Variants in SGCZ observed in about 807,000 individuals in gnomAD.
SGCZ encodes the protein sarcoglycan zeta, also known as zeta-sarcoglycan.
A neutral mutation model predicts 41.3 loss-of-function variants in SGCZ; 40 were observed. That is an observed-to-expected ratio of 0.97 (90% CI 0.75 to 1.26). The LOEUF is 1.26. Ranked by LOEUF, SGCZ falls within the 50% of genes most tolerant of loss-of-function variation. The probability of loss-of-function intolerance (pLI) is 0.00; values close to 1 mark genes in which losing one functional copy is unlikely to be tolerated. For missense variants in SGCZ, 552 were observed against 369.8 expected, an observed-to-expected ratio of 1.49 and a Z score of -4.04; for synonymous variants, 206 against 137.5, an observed-to-expected ratio of 1.50 and a Z score of -3.49.
At chr8:14,976,022 A>C (rs1426965835) in intron 1 of SGCZ, among the ~76,000 whole-genome samples, 1 of 146,734 alleles carries the variant, frequency 6.8e-6, no homozygotes, top group Non-Finnish European at 1.5e-5. Flanking sequence ...ATATACACAT[A>C]TATATTTTTT....
chr8:14,732,858 C>G (rs1255953115), intron 1 of SGCZ, among the ~76,000 whole-genome samples: 1 of 151,940 alleles, frequency 6.6e-6, no homozygotes, highest in Non-Finnish European at 1.5e-5. Flanking sequence ...TCTTTTATAC[C>G]AACAGTATAA....
At chr8:14,574,623 T>C (rs1804654527) in intron 1 of SGCZ, among the ~76,000 whole-genome samples, 1 of 152,168 alleles carries the variant, frequency 6.6e-6, no homozygotes, top group Admixed American at 6.5e-5. Flanking sequence ...CCTCCTTTAT[T>C]GAACCTAAGA....
At chr8:14,658,169 A>G (rs949039680) in intron 1 of SGCZ, among the ~76,000 whole-genome samples, 1 of 152,138 alleles carries the variant, frequency 6.6e-6, no homozygotes, top group Non-Finnish European at 1.5e-5. Flanking sequence ...CATTCTTTCA[A>G]TTCCTCAAGC....
intron 3 of SGCZ, among the ~76,000 whole-genome samples, chr8:14,288,978 A>G (rs1305299203): frequency 6.6e-6 from 1 of 152,020 alleles, no homozygotes; most frequent in Non-Finnish European, 1.5e-5. Flanking sequence ...ATTCCAGGGG[A>G]CTGCAATGAT....
At chr8:15,137,582 G>C (rs1808160436) in intron 1 of SGCZ, among the ~76,000 whole-genome samples, 1 of 152,158 alleles carries the variant, frequency 6.6e-6, no homozygotes, top group African/African-American at 2.4e-5. Context: ...CTGTGTCCCA[G>C]ATGCTCCAGA....
chr8:15,211,391 T>C (rs1277548696), intron 1 of SGCZ, among the ~76,000 whole-genome samples: 1 of 152,150 alleles, frequency 6.6e-6, no homozygotes, highest in East Asian at 1.9e-4. Context: ...TGAAGTCTAT[T>C]CTTTTTCTCA....
intron 3 of SGCZ, among the ~76,000 whole-genome samples, chr8:14,301,671 T>C (rs1348122437): frequency 1.3e-5 from 2 of 152,100 alleles, no homozygotes; most frequent in Non-Finnish European, 2.9e-5. Flanking sequence ...AAGGTAATAT[T>C]TATGGCCCAA....
intron 4 of SGCZ, among the ~76,000 whole-genome samples, chr8:14,210,370 T>A (rs912912851): frequency 1.3e-5 from 2 of 151,220 alleles, no homozygotes; most frequent in Non-Finnish European, 2.9e-5. Context: ...TTATTAACAC[T>A]GTTTTAAAAA....
At chr8:14,378,506 G>A (rs1804227141) in intron 2 of SGCZ, among the ~76,000 whole-genome samples, 1 of 152,006 alleles carries the variant, frequency 6.6e-6, no homozygotes, top group African/African-American at 2.4e-5. Context: ...TACAAAATGG[G>A]GGAAAATTTT....
Position 14,421,619 on chromosome 8 carries a change from G to A in SGCZ, c.235-97415C>T, listed in dbSNP as rs1234336194. Among the ~76,000 whole-genome samples the A allele has an allele frequency of 2.6e-5, 4 of 152,080 alleles. No individual in the cohort carries two copies. The East Asian group carries it at 7.7e-4, about 29-fold the overall frequency. On this transcript the variant is annotated intron_variant, in intron 2 of 7. Transcript: ENST00000382080. ...GAAAAATATGAAGTTTGCTCATATA[G>A]AACCACAGATGTGGTTTACTCTGCT... is the stretch of plus-strand genomic sequence containing the variant.
chr8:14,870,203 C>T (rs377767272), intron 1 of SGCZ, among the ~76,000 whole-genome samples: 5 of 152,064 alleles, frequency 3.3e-5, no homozygotes, highest in African/African-American at 7.2e-5. Context: ...CAAAACAGTA[C>T]GGTACTAGTA....
In SGCZ at chr8:14,526,424, C is replaced by T. The variant is rs192417835; in HGVS notation, c.234+28308G>A. 5.3e-5 allele frequency among the ~76,000 whole-genome samples: 8 copies of T among 152,076 alleles called. No homozygotes were observed. In the South Asian group the frequency reaches 8.3e-4, roughly 16 times the overall value. On this transcript the variant is annotated intron_variant, in intron 2 of 7. Transcript: ENST00000382080. ...CAAAAATGATTAGGCTACTGTTGTA[C>T]GAACAGCTCAATTACATGGGAAATT...
chr8:14,705,960 T>C (rs1170146829), intron 1 of SGCZ, among the ~76,000 whole-genome samples: 1 of 152,068 alleles, frequency 6.6e-6, no homozygotes, highest in Non-Finnish European at 1.5e-5. Context: ...TGTTATCCCA[T>C]AATTATTTGT....
chr8:14,274,409 C>A (rs10094530), intron 3 of SGCZ, among the ~76,000 whole-genome samples: 1,779 of 152,170 alleles, frequency 0.012, 29 homozygotes, highest in African/African-American at 0.039. Context: ...GTGTACAAGT[C>A]GTTGGTTTTA....
intron 2 of SGCZ, among the ~76,000 whole-genome samples, chr8:14,490,842 A>G (rs1409759950): frequency 6.6e-6 from 1 of 152,130 alleles, no homozygotes; most frequent in East Asian, 1.9e-4. Flanking sequence ...TCATTTTAAC[A>G]GGTCATTCTT....
chr8:15,030,762 G>C (rs1358920622), intron 1 of SGCZ, among the ~76,000 whole-genome samples: 1 of 152,122 alleles, frequency 6.6e-6, no homozygotes, highest in Non-Finnish European at 1.5e-5. Context: ...GACTACGGCG[G>C]AGGTAACCCA....
At chr8:14,792,752 T>A (rs1171071373) in intron 1 of SGCZ, among the ~76,000 whole-genome samples, 2 of 151,940 alleles carry the variant, frequency 1.3e-5, no homozygotes, top group African/African-American at 4.8e-5. Context: ...CACCTAAAGG[T>A]CCAGGGTTTT....
intron 1 of SGCZ, chr8:14,690,581 C>T (rs1311159887): frequency 2.0e-5 from 3 of 152,096 alleles, no homozygotes; most frequent in African/African-American, 7.2e-5. Flanking sequence ...AAGCTTAGTC[C>T]ACAAAGAAGC....
intron 7 of SGCZ, among the ~76,000 whole-genome samples, chr8:14,092,276 G>C (rs2116953764): frequency 6.6e-6 from 1 of 152,064 alleles, no homozygotes; most frequent in Admixed American, 6.6e-5. Flanking sequence ...TGTTCTTTTT[G>C]CTTAGGATTG....
Sources: gnomAD v4.1 joint callset for allele counts (sites outside exome capture counted in the v4.1 genomes callset) on GRCh38, gnomAD v4.1.1 for gene constraint, MANE v1.5 for transcripts, NCBI Gene and HGNC (gene_info 2026-07-23, HGNC 2026-07-21) for gene names.